ZNF331: variants seen among roughly 807,000 people sequenced by gnomAD.
The protein encoded by ZNF331 is C2H2-like zinc finger protein rearranged in thyroid adenomas.
ZNF331 carries 2 observed loss-of-function variants against 7.0 expected under a neutral mutation model. That is an observed-to-expected ratio of 0.29 (90% CI 0.12 to 0.90). The LOEUF (loss-of-function observed/expected upper bound fraction) is 0.90, where lower values mean the gene tolerates loss of function less well. Among genes scored for constraint, ZNF331 ranks in the 40% least tolerant of loss-of-function variants. The pLI, the probability that ZNF331 is intolerant of heterozygous loss-of-function variation, is 0.58. For synonymous variants in ZNF331, 196 were observed against 205.4 expected (o/e 0.95, Z 0.39); for missense variants, 432 against 587.7 (o/e 0.74, Z 2.74).
chr19:53,559,532 ACACG>A (rs2089695506), intron 3 of ZNF331, among the ~76,000 whole-genome samples: 2 of 151,464 alleles, frequency 1.3e-5, no homozygotes, highest in African/African-American at 4.9e-5. Context: ...ACATATACAC[ACACG>A]CCATATATAC....
In ZNF331 at chr19:53,569,490, A is replaced by G; in HGVS notation, c.9+105A>G. On this transcript the variant is annotated intron_variant, in intron 4 of 5. Coordinates refer to ENST00000449416, the MANE Select transcript of ZNF331 (RefSeq NM_001079906.2). ...TTATCTAGTCAAGCTCTTTATAATTACCTGTTTCCCAGCTCTTTCTATTCC... is the reference window on the plus strand; with the variant it reads ...TTATCTAGTCAAGCTCTTTATAATTGCCTGTTTCCCAGCTCTTTCTATTCC... 8.8e-6 allele frequency: 12 copies of G among 1,356,988 alleles called. No individual in the cohort carries two copies. The South Asian group carries it at 1.5e-4, about 17-fold the overall frequency. 84.1% of individuals were successfully genotyped at this position (1,356,988 alleles called of 1,614,324 possible). A position where few individuals can be genotyped will look rare whatever the true frequency, so the allele number is the denominator to read the frequency against.
chr19:53,541,214 T>C (rs1449208669), intron 2 of ZNF331, among the ~76,000 whole-genome samples: 1 of 151,416 alleles, frequency 6.6e-6, no homozygotes, highest in African/African-American at 2.4e-5. Context: ...TTCAAGCAAT[T>C]CCTGCCTCAG....
rs186144633 is a variant in ZNF331 at position 53,573,975 on chromosome 19, G to A, written c.136+2245G>A. ...TAAAAACACAAAAATTAGCCGGTGT[G>A]CTGGTGTGCGCCTGTAATCCCAGCT... On this transcript the variant is annotated intron_variant, in intron 5 of 5. Coordinates refer to ENST00000449416, the MANE Select transcript of ZNF331 (RefSeq NM_001079906.2). The surrounding 1 kb of genome is among the most constrained non-coding windows in gnomAD (Gnocchi z 4.2). 3.5e-4 allele frequency among the ~76,000 whole-genome samples: 53 copies of A among 152,208 alleles called. No individual in the cohort carries two copies. Among genetic ancestry groups the A allele is most frequent in the African/African-American group, 1.2e-3 (51 of 41,560 alleles).
At chr19:53,548,097 TTTTTCTTTTC>T (rs752561236) in intron 2 of ZNF331, among the ~76,000 whole-genome samples, 1 of 151,792 alleles carries the variant, frequency 6.6e-6, no homozygotes, top group African/African-American at 2.4e-5. Flanking sequence ...GCCCGGCTAA[TTTTTCTTTTC>T]TTTTCTTTTC....
the ZNF331 span, among the ~76,000 whole-genome samples, chr19:53,510,087 G>T: frequency 0.07 from 10,595 of 152,222 alleles, 512 homozygotes; most frequent in Non-Finnish European, 0.1. Context: ...CATGAGATTT[G>T]GGTGGGGACA....
chr19:53,511,381 A>C, the ZNF331 span, among the ~76,000 whole-genome samples: 2 of 152,152 alleles, frequency 1.3e-5, no homozygotes, highest in Non-Finnish European at 2.9e-5. Context: ...ACATATAACA[A>C]TATGTAAAAC....
intron 2 of ZNF331, among the ~76,000 whole-genome samples, chr19:53,550,600 G>A (rs1157892857): frequency 1.7e-5 from 2 of 118,000 alleles, no homozygotes; most frequent in Non-Finnish European, 1.6e-5. Flanking sequence ...GCATTGGCCC[G>A]ATCTTGGCTC....
chr19:53,553,693 T>C (rs1012375554), intron 2 of ZNF331, among the ~76,000 whole-genome samples: 5 of 152,240 alleles, frequency 3.3e-5, no homozygotes, highest in African/African-American at 1.2e-4. Context: ...CTGCTGCCTG[T>C]ACATTGTTTA....
Position 53,577,225 on chromosome 19 carries a change from A to G in ZNF331, c.665A>G (p.Lys222Arg), listed in dbSNP as rs2090763232. ...EKPYECKDCG[K>R]AFRRGDELTQ... ...CCCTATGAATGTAAAGACTGTGGAA[A>G]GGCCTTTCGGCGTGGTGATGAGCTC... The change falls in exon 6 of 6, where the codon AAG (lysine) becomes AGG (arginine). Residue 222 changes from lysine (K) to arginine (R), a missense_variant. Around this residue, in one of 3 missense-constraint regions of ZNF331, gnomAD observed 312 missense variants for 448.6 expected, o/e 0.70. Coordinates refer to ENST00000449416, the MANE Select transcript of ZNF331 (RefSeq NM_001079906.2). The G allele has an allele frequency of 6.2e-7, 1 of 1,613,902 alleles. No individual in the cohort carries two copies. Among genetic ancestry groups the G allele is most frequent in the Non-Finnish European group, 8.5e-7 (1 of 1,180,012 alleles).
chr19:53,553,412 G>A (rs2089144093), intron 2 of ZNF331, among the ~76,000 whole-genome samples: 1 of 152,150 alleles, frequency 6.6e-6, no homozygotes, highest in African/African-American at 2.4e-5. Context: ...GGTGTAACCA[G>A]GTGAAAGATA....
At chr19:53,506,448 C>T in the ZNF331 span, among the ~76,000 whole-genome samples, 2 of 44,728 alleles carry the variant, frequency 4.5e-5, no homozygotes, top group African/African-American at 7.0e-5. Flanking sequence ...CTCTCTGTCT[C>T]TCTCTCTCTC....
At chr19:53,559,767 C>T (rs1434782066) in intron 3 of ZNF331, among the ~76,000 whole-genome samples, 1 of 82,676 alleles carries the variant, frequency 1.2e-5, no homozygotes, top group Non-Finnish European at 2.3e-5. Flanking sequence ...CACACACATA[C>T]CCATATATAC....
the ZNF331 span, among the ~76,000 whole-genome samples, chr19:53,505,159 C>CTT: frequency 3.4e-3 from 514 of 152,090 alleles, 2 homozygotes; most frequent in African/African-American, 0.011. Flanking sequence ...AGGGAGCAGT[C>CTT]TTTTTTTTCT....
At chr19:53,565,535 T>A (rs1166349886) in intron 3 of ZNF331, among the ~76,000 whole-genome samples, 3 of 152,152 alleles carry the variant, frequency 2.0e-5, no homozygotes, top group African/African-American at 7.2e-5. Flanking sequence ...TTTTATTTTT[T>A]TTTCTTTTTG....
upstream of ZNF331, among the ~76,000 whole-genome samples, chr19:53,516,110 C>T (rs2086897114): frequency 6.6e-6 from 1 of 152,100 alleles, no homozygotes; most frequent in South Asian, 2.1e-4. Flanking sequence ...GAGGTCCTTA[C>T]TAAGATGTGG....
At chr19:53,548,575 C>A (rs922316147) in intron 2 of ZNF331, among the ~76,000 whole-genome samples, 1 of 152,108 alleles carries the variant, frequency 6.6e-6, no homozygotes, top group Non-Finnish European at 1.5e-5. Flanking sequence ...GATATTAACC[C>A]CTTATCAGAT....
intron 5 of ZNF331, among the ~76,000 whole-genome samples, chr19:53,575,926 C>T (rs2090699458): frequency 6.6e-6 from 1 of 152,074 alleles, no homozygotes; most frequent in Non-Finnish European, 1.5e-5. Context: ...TCATGATCTG[C>T]CCACCTCGGC....
upstream of ZNF331, among the ~76,000 whole-genome samples, chr19:53,517,826 C>T (rs548565751): frequency 6.6e-6 from 1 of 152,306 alleles, no homozygotes; most frequent in South Asian, 2.1e-4. Flanking sequence ...CCCAGCAAAC[C>T]ACCAGTGGTC....
upstream of ZNF331, among the ~76,000 whole-genome samples, chr19:53,516,448 CA>C (rs34986946): frequency 0.55 from 66,322 of 120,220 alleles, 15,449 homozygotes; most frequent in African/African-American, 0.63. Flanking sequence ...GACTCCATCT[CA>C]AAAAAAAAAA....
Sources: allele counts gnomAD v4.1 joint callset (sites outside exome capture counted in the v4.1 genomes callset), GRCh38; gene constraint gnomAD v4.1.1; regional missense constraint gnomAD v4.1.1; non-coding constraint Gnocchi (gnomAD v3.1); transcripts MANE v1.5; gene names NCBI Gene and HGNC (gene_info 2026-07-23, HGNC 2026-07-21).